Variants in DENND5B observed in about 807,000 individuals in gnomAD.
DENND5B encodes DENN domain-containing protein 5B.
Under a neutral mutation model 140.6 loss-of-function variants are expected in DENND5B, and 34 were observed. The ratio of observed to expected loss-of-function variants is 0.24; its 90% confidence interval spans 0.18 to 0.32. The LOEUF is 0.32. Among genes scored for constraint, DENND5B ranks in the 10% least tolerant of loss-of-function variants. The probability of loss-of-function intolerance (pLI) is 1.00; values close to 1 mark genes in which losing one functional copy is unlikely to be tolerated. For missense variants in DENND5B, 1,142 were observed against 1,560.2 expected (o/e 0.73, Z 4.52); for synonymous variants, 551 against 562.1 (o/e 0.98, Z 0.28).
intron 13 of DENND5B, 41 bp from the exon 14 acceptor site, chr12:31,409,425 G>GAA (rs111670680): frequency 1.5e-3 from 1,548 of 1,029,268 alleles, no homozygotes; most frequent in South Asian, 4.2e-3. Context: ...TAGTATCAAA[G>GAA]AAAAAAAAAA....
At chr12:31,484,978 G>A (rs973478755) in intron 2 of DENND5B, among the ~76,000 whole-genome samples, 1 of 152,056 alleles carries the variant, frequency 6.6e-6, no homozygotes, top group Non-Finnish European at 1.5e-5. Context: ...CCAAGAAGAA[G>A]CTCTAAAGTA....
chr12:31,498,612 C>T (rs894739466), intron 1 of DENND5B, among the ~76,000 whole-genome samples: 1 of 152,058 alleles, frequency 6.6e-6, no homozygotes, highest in African/African-American at 2.4e-5. Flanking sequence ...GCTGTCTTGG[C>T]AAATATGATT....
intron 7 of DENND5B, among the ~76,000 whole-genome samples, chr12:31,441,124 C>T (rs185594086): frequency 1.1e-4 from 16 of 152,140 alleles, no homozygotes; most frequent in Admixed American, 3.3e-4. Context: ...GTTCAGGTTG[C>T]TTGAGCCCAG....
At chr12:31,511,476 G>T (rs1335301861) in intron 1 of DENND5B, among the ~76,000 whole-genome samples, 3 of 151,016 alleles carry the variant, frequency 2.0e-5, no homozygotes, top group African/African-American at 7.3e-5. Flanking sequence ...CAACAGTAAG[G>T]TTCAAGATAA....
chr12:31,455,726 A>G (rs1224676261), intron 4 of DENND5B, among the ~76,000 whole-genome samples: 1 of 152,214 alleles, frequency 6.6e-6, no homozygotes, highest in South Asian at 2.1e-4. Context: ...TTCCTATTAA[A>G]AACAACAAAA....
At chr12:31,405,537 T>C (rs1349812790) in intron 14 of DENND5B, among the ~76,000 whole-genome samples, 3 of 151,588 alleles carry the variant, frequency 2.0e-5, no homozygotes, top group African/African-American at 7.3e-5. Flanking sequence ...TATGTATGTA[T>C]GTATGTATGT....
chr12:31,582,675 G>A (rs1950244985), intron 1 of DENND5B, among the ~76,000 whole-genome samples: 1 of 152,196 alleles, frequency 6.6e-6, no homozygotes, highest in African/African-American at 2.4e-5. Context: ...AATTACTAGT[G>A]CTGACCAAAG....
Position 31,398,189 on chromosome 12 carries a change from G to C in DENND5B, c.3242C>G (p.Thr1081Arg). Residue 1081 changes from threonine (T) to arginine (R), a missense_variant, in exon 17 of 21, where the codon ACA (threonine) becomes AGA (arginine). Coordinates refer to ENST00000389082, the MANE Select transcript of DENND5B (RefSeq NM_144973.4). ...AATAAATTTACTGTTGTTTTTTCCTGTCAGTGAAGTGATGCTCAATCTCCT... is the reference window on the plus strand; with the variant it reads ...AATAAATTTACTGTTGTTTTTTCCTCTCAGTGAAGTGATGCTCAATCTCCT... ...TARRLSITSL[T>R]GKNNKPNAGQ... 1 of 1,597,330 alleles carries C rather than the reference G, an allele frequency of 6.3e-7. No individual in the cohort carries two copies. The highest frequency in any genetic ancestry group is 8.5e-7 in the Non-Finnish European group (1 of 1,172,286).
intron 3 of DENND5B, among the ~76,000 whole-genome samples, chr12:31,466,306 T>C (rs374148336): frequency 1.3e-5 from 2 of 151,308 alleles, no homozygotes; most frequent in African/African-American, 4.9e-5. Flanking sequence ...TGAGACAAGA[T>C]TGCAACACTG....
chr12:31,409,458 G>T (rs1593088607), intron 13 of DENND5B, 74 bp from the exon 14 acceptor site: 225 of 804,256 alleles, frequency 2.8e-4, no homozygotes, highest in Non-Finnish European at 3.2e-4. Flanking sequence ...GTAGTATCAT[G>T]TACTTTTCAT....
intron 1 of DENND5B, among the ~76,000 whole-genome samples, chr12:31,580,402 A>G (rs1243985659): frequency 6.6e-6 from 1 of 152,170 alleles, no homozygotes; most frequent in Non-Finnish European, 1.5e-5. Context: ...TTTTTTTAGA[A>G]ATCATTTATC....
At chr12:31,435,683 C>T (rs538548626) in intron 7 of DENND5B, among the ~76,000 whole-genome samples, 15 of 152,178 alleles carry the variant, frequency 9.9e-5, no homozygotes, top group African/African-American at 2.9e-4. Flanking sequence ...TTGTTTGAGA[C>T]GGAGTCTTGT....
intron 14 of DENND5B, among the ~76,000 whole-genome samples, chr12:31,407,551 C>T (rs1942197624): frequency 6.6e-6 from 1 of 152,214 alleles, no homozygotes; most frequent in South Asian, 2.1e-4. Context: ...TTTCCTTTGT[C>T]TTCCGTTACC....
At chr12:31,555,390 C>T (rs1949242097) in intron 1 of DENND5B, among the ~76,000 whole-genome samples, 1 of 152,202 alleles carries the variant, frequency 6.6e-6, no homozygotes, top group African/African-American at 2.4e-5. Context: ...ACCGCAGATG[C>T]TGCTGCCTGA....
intron 4 of DENND5B, among the ~76,000 whole-genome samples, chr12:31,454,787 A>G (rs1273456063): frequency 2.1e-5 from 3 of 146,090 alleles, no homozygotes; most frequent in Admixed American, 6.9e-5. Flanking sequence ...TGAAGGTCAC[A>G]TAATTTGAAT....
chr12:31,426,794 C>T (rs7297997), intron 8 of DENND5B: 84,918 of 209,074 alleles, frequency 0.41, 18,183 homozygotes, highest in Admixed American at 0.58. Context: ...TCTGCAGGAG[C>T]CCAGCTGTTC....
At chr12:31,545,293 G>T (rs369377210) in intron 1 of DENND5B, among the ~76,000 whole-genome samples, 4 of 151,922 alleles carry the variant, frequency 2.6e-5, no homozygotes, top group Non-Finnish European at 5.9e-5. Context: ...TGCTATTTGG[G>T]TATATTGTAT....
intron 1 of DENND5B, among the ~76,000 whole-genome samples, chr12:31,574,295 A>AATAATAATAATTATTATTATT (rs374578025): frequency 6.9e-6 from 1 of 144,574 alleles, no homozygotes; most frequent in Non-Finnish European, 1.5e-5. Flanking sequence ...TAATAATAAT[A>AATAATAATAATTATTATTATT]ATTTAAAAGG....
At chr12:31,550,986 C>T (rs1255659210) in intron 1 of DENND5B, among the ~76,000 whole-genome samples, 3 of 152,034 alleles carry the variant, frequency 2.0e-5, no homozygotes, top group Non-Finnish European at 2.9e-5. Flanking sequence ...GAGTAGGTTG[C>T]AAAAATTTTC....
Sources: allele counts gnomAD v4.1 joint callset (sites outside exome capture counted in the v4.1 genomes callset), GRCh38; gene constraint gnomAD v4.1.1; transcripts MANE v1.5; gene names NCBI Gene and HGNC (gene_info 2026-07-23, HGNC 2026-07-21).